TAF2: variants seen among roughly 807,000 people sequenced by gnomAD.
TAF2 encodes TATA-box binding protein associated factor 2.
A neutral mutation model predicts 138.5 loss-of-function variants in TAF2; 61 were observed. The observed-to-expected ratio is 0.44, with a 90% CI of 0.36 to 0.54. TAF2 has a LOEUF of 0.54. TAF2 is among the 20% of genes least tolerant of loss of function. TAF2 has a pLI of 0.00. For synonymous variants in TAF2, 475 were observed against 469.9 expected (o/e 1.01, Z -0.14); for missense variants, 1,090 against 1,427.9 (o/e 0.76, Z 3.81).
intron 25 of TAF2, among the ~76,000 whole-genome samples, chr8:119,732,834 T>C (rs1038094496): frequency 1.3e-5 from 2 of 152,004 alleles, no homozygotes; most frequent in African/African-American, 2.4e-5. Context: ...ACGACCAACA[T>C]TGGTCAATGA....
chr8:119,824,777 A>G (rs879350006), intron 2 of TAF2, among the ~76,000 whole-genome samples: 2 of 152,244 alleles, frequency 1.3e-5, no homozygotes, highest in Non-Finnish European at 2.9e-5. Context: ...GGCAGCTCCC[A>G]TGTGGTGGTG....
chr8:119,792,936 C>T (rs1341004295), intron 10 of TAF2, among the ~76,000 whole-genome samples: 1 of 152,126 alleles, frequency 6.6e-6, no homozygotes, highest in Non-Finnish European at 1.5e-5. Flanking sequence ...CTACTGTTTA[C>T]ATTATTACCC....
At position 119,789,452 on chromosome 8, in the gene TAF2, CATT is replaced by C. The variant is rs1054992006; in HGVS notation, c.1568+137_1568+139del. The C allele has an allele frequency of 1.4e-4, 139 of 1,022,592 alleles. 1 individual carries two copies. Among genetic ancestry groups the C allele is most frequent in the Middle Eastern group, 6.3e-4 (3 of 4,790 alleles). The allele number at this position is 1,022,592 out of a possible 1,614,324, so 63.3% of individuals were successfully genotyped here. ...TTAGATGAAACAATTCACAGTTCAT[CATT>C]ATTTCTACCATTGTTTAGAAATATA... is the stretch of plus-strand genomic sequence containing the variant. On this transcript the variant is annotated intron_variant, in intron 12 of 25. Coordinates refer to ENST00000378164, the MANE Select transcript of TAF2 (RefSeq NM_003184.4).
At chr8:119,765,820 G>A (rs1280430952) in intron 18 of TAF2, among the ~76,000 whole-genome samples, 1 of 152,180 alleles carries the variant, frequency 6.6e-6, no homozygotes, top group Non-Finnish European at 1.5e-5. Context: ...ATTCCTCTAA[G>A]TGCCTTACAT....
At chr8:119,776,546 G>A (rs1157592711) in intron 18 of TAF2, among the ~76,000 whole-genome samples, 10 of 150,554 alleles carry the variant, frequency 6.6e-5, no homozygotes, top group Non-Finnish European at 8.8e-5. Flanking sequence ...AAAATTAGCC[G>A]GGCGTAGTGG....
intron 3 of TAF2, among the ~76,000 whole-genome samples, chr8:119,816,463 T>C (rs987174610): frequency 3.9e-5 from 6 of 152,232 alleles, no homozygotes; most frequent in African/African-American, 1.2e-4. Context: ...TGTTAAGACA[T>C]ACTTGTATGT....
chr8:119,803,851 T>A (rs774668794), intron 5 of TAF2, 27 bp downstream of exon 5: 2 of 1,582,742 alleles, frequency 1.3e-6, no homozygotes, highest in South Asian at 2.3e-5. Flanking sequence ...AAAAATTAAT[T>A]GAAATATTTA....
At chr8:119,791,563 A>G in intron 10 of TAF2, 104 bp from the exon 11 acceptor site, 1 of 1,318,082 alleles carries the variant, frequency 7.6e-7, no homozygotes, top group Admixed American at 2.2e-5. Context: ...CCTCAGGAGA[A>G]TATATAAGCA....
intron 2 of TAF2, among the ~76,000 whole-genome samples, chr8:119,822,442 T>C (rs975188553): frequency 6.6e-6 from 1 of 152,136 alleles, no homozygotes; most frequent in Non-Finnish European, 1.5e-5. Context: ...CAAGCTGGTC[T>C]AGAACTTCTG....
intron 20 of TAF2, among the ~76,000 whole-genome samples, chr8:119,759,471 AC>A (rs1820914642): frequency 6.6e-6 from 1 of 152,080 alleles, no homozygotes; most frequent in African/African-American, 2.4e-5. Flanking sequence ...AGTTTAGCAT[AC>A]TTTTAAGTTT....
chr8:119,749,472 A>T (rs1463186591), intron 22 of TAF2, among the ~76,000 whole-genome samples: 1 of 152,214 alleles, frequency 6.6e-6, no homozygotes, highest in African/African-American at 2.4e-5. Context: ...AAAAGCCAAA[A>T]TTTCATTGTA....
intron 10 of TAF2, 74 bp downstream of exon 10, chr8:119,793,292 T>C: frequency 7.9e-7 from 1 of 1,264,026 alleles, no homozygotes; most frequent in Admixed American, 1.7e-5. Context: ...AATGAAATAC[T>C]ATTTAGCTCT....
chr8:119,738,155 C>A (rs1479475633), intron 25 of TAF2, among the ~76,000 whole-genome samples: 1 of 150,854 alleles, frequency 6.6e-6, no homozygotes, highest in Non-Finnish European at 1.5e-5. Flanking sequence ...TTTATATATT[C>A]TTTTTCTCTC....
chr8:119,811,302 T>C (rs1825036410), intron 3 of TAF2, among the ~76,000 whole-genome samples: 1 of 152,144 alleles, frequency 6.6e-6, no homozygotes, highest in Non-Finnish European at 1.5e-5. Context: ...AAACTATAGA[T>C]GCAGATTTTA....
chr8:119,802,789 G>A (rs1378269689), intron 5 of TAF2, among the ~76,000 whole-genome samples: 1 of 152,168 alleles, frequency 6.6e-6, no homozygotes, highest in African/African-American at 2.4e-5. Flanking sequence ...GCATCTGCCT[G>A]TAATCCCAGC....
chr8:119,822,935 T>C (rs1338041221), intron 2 of TAF2, among the ~76,000 whole-genome samples: 1 of 152,182 alleles, frequency 6.6e-6, no homozygotes, highest in Non-Finnish European at 1.5e-5. Context: ...CAACCACTCC[T>C]CTGCCAACTA....
chr8:119,763,999 A>G (rs777547771), intron 18 of TAF2, among the ~76,000 whole-genome samples: 1 of 151,666 alleles, frequency 6.6e-6, no homozygotes, highest in Non-Finnish European at 1.5e-5. Context: ...AAATACAAAA[A>G]TTAGCAGGGT....
At position 119,812,874 on chromosome 8, in the gene TAF2, T is replaced by C. The variant is rs76447324; in HGVS notation, c.299+6472A>G. Among the ~76,000 whole-genome samples, 8 of 152,302 alleles carry C rather than the reference T, an allele frequency of 5.3e-5. 1 individual carries two copies. The East Asian group carries it at 1.5e-3, about 29-fold the overall frequency. On this transcript the variant is annotated intron_variant, in intron 3 of 25. Coordinates refer to ENST00000378164, the MANE Select transcript of TAF2 (RefSeq NM_003184.4). ...TAAATGTGGACTTAGGCTGGTTCCA[T>C]ATCTTTGCAATTGTGAATTGTGCTG...
At chr8:119,734,648 C>T (rs1819100353) in intron 25 of TAF2, among the ~76,000 whole-genome samples, 1 of 152,146 alleles carries the variant, frequency 6.6e-6, no homozygotes, top group African/African-American at 2.4e-5. Flanking sequence ...ATTTAATAAA[C>T]ATCAGAAACT....
Sources: gnomAD v4.1 joint callset for allele counts (sites outside exome capture counted in the v4.1 genomes callset) on GRCh38, gnomAD v4.1.1 for gene constraint, MANE v1.5 for transcripts, NCBI Gene and HGNC (gene_info 2026-07-23, HGNC 2026-07-21) for gene names.